Variants in SIPA1L3 observed in about 807,000 individuals in gnomAD.
SIPA1L3 encodes signal induced proliferation associated 1 like 3.
A neutral mutation model predicts 150.1 loss-of-function variants in SIPA1L3; 59 were observed. The observed-to-expected ratio is 0.39, with a 90% confidence interval of 0.32 to 0.49. The LOEUF is 0.49. Ranked by LOEUF, SIPA1L3 falls within the 20% of genes least tolerant of loss-of-function variation. The pLI is 0.86. For synonymous variants in SIPA1L3, 1,070 were observed against 1,077.6 expected, an observed-to-expected ratio of 0.99 and a Z score of 0.14; for missense variants, 2,211 against 2,489.5, an observed-to-expected ratio of 0.89 and a Z score of 2.38.
intron 1 of SIPA1L3, among the ~76,000 whole-genome samples, chr19:38,002,544 C>T (rs950801170): frequency 4.0e-5 from 6 of 150,754 alleles, no homozygotes; most frequent in African/African-American, 1.5e-4. Flanking sequence ...ACCATCCTGG[C>T]CAACATGGTG....
At chr19:38,193,862 A>G (rs1972861624) in intron 18 of SIPA1L3, 82 bp downstream of exon 18, 18 of 1,409,592 alleles carry the variant, frequency 1.3e-5, no homozygotes, top group Non-Finnish European at 1.7e-5. Context: ...GCTCACCTGG[A>G]GGTCAAAGGC....
Position 38,110,419 on chromosome 19 carries a change from GGA to G in SIPA1L3, c.2291+41_2291+42del, listed in dbSNP as rs1370739180. The G allele has an allele frequency of 8.8e-6, 14 of 1,590,272 alleles. No individual in the cohort carries two copies. In the African/African-American group the frequency reaches 1.9e-4, roughly 21 times the overall value. On this transcript the variant is annotated intron_variant, in intron 8 of 21. Transcript: ENST00000222345. ...CCACACCCGGCCCCCAGCAGCGTAT[GGA>G]GAGAGGGGCAGGCAGCTGGCCCAAG...
rs760974345 is a variant in SIPA1L3 at position 38,099,971 on chromosome 19, C to T, written c.1675C>T (p.Leu559=). 2.5e-6 allele frequency: 4 copies of T among 1,606,112 alleles called. No individual in the cohort carries two copies. Among genetic ancestry groups the T allele is most frequent in the Admixed American group, 1.7e-5 (1 of 57,884 alleles). ...TCTCTCCCTTGAGTAGCTCATCACC[C>T]TGCGGGGCTCCATCCTGGAAGATGC... is the stretch of plus-strand genomic sequence containing the variant. ...IIFRTRELIT[L]RGSILEDATP... The change falls in exon 5 of 22, where the codon CTG becomes TTG. Residue 559 remains leucine (L), a synonymous_variant. Transcript: ENST00000222345.
chr19:38,179,459 AATAT>A (rs1972512723), intron 15 of SIPA1L3, among the ~76,000 whole-genome samples: 1 of 152,126 alleles, frequency 6.6e-6, no homozygotes, highest in Non-Finnish European at 1.5e-5. Flanking sequence ...AAAAATAAAA[AATAT>A]ATATAATTTA....
At chr19:37,979,614 C>T (rs1802832272) in intron 1 of SIPA1L3, among the ~76,000 whole-genome samples, 1 of 152,044 alleles carries the variant, frequency 6.6e-6, no homozygotes, top group Admixed American at 6.6e-5. Context: ...GGAACACGGC[C>T]CGCCCATTTG....
intron 1 of SIPA1L3, among the ~76,000 whole-genome samples, chr19:37,984,039 T>C (rs1967274626): frequency 6.6e-6 from 1 of 152,130 alleles, no homozygotes. Context: ...ATGTGTTCTT[T>C]GTGGGAGAAG....
At chr19:38,003,836 G>A (rs113154060) in intron 1 of SIPA1L3, among the ~76,000 whole-genome samples, 2 of 152,288 alleles carry the variant, frequency 1.3e-5, no homozygotes, top group African/African-American at 4.8e-5. Context: ...GCTCATGAGG[G>A]CTTCCTCCGC....
Position 38,110,295 on chromosome 19 carries a change from G to A in SIPA1L3, c.2202G>A (p.Pro734=), listed in dbSNP as rs774240682. Residue 734 remains proline (P), a synonymous_variant, in exon 8 of 22, where the codon CCG becomes CCA. Transcript: ENST00000222345. The part of the protein sequence containing the change: ...TIIFQEPGAL[P]FTPKNIRSHF... ...TCTTCCAGGAGCCTGGCGCGCTACCGTTCACCCCCAAGAACATCCGCTCCC... is the reference window on the plus strand; with the variant it reads ...TCTTCCAGGAGCCTGGCGCGCTACCATTCACCCCCAAGAACATCCGCTCCC... The A allele has an allele frequency of 3.6e-5, 58 of 1,613,950 alleles. 1 individual carries two copies. In the South Asian group the frequency reaches 4.9e-4, roughly 14 times the overall value.
chr19:38,070,380 A>G (rs1264322840), intron 2 of SIPA1L3, among the ~76,000 whole-genome samples: 2 of 152,070 alleles, frequency 1.3e-5, no homozygotes, highest in Non-Finnish European at 2.9e-5. Context: ...CAGCCATTTT[A>G]TGACCTTTAC....
chr19:37,945,497 A>G (rs1034808219), intron 1 of SIPA1L3, among the ~76,000 whole-genome samples: 1 of 152,102 alleles, frequency 6.6e-6, no homozygotes, highest in South Asian at 2.1e-4. Flanking sequence ...TCAGCCTTCC[A>G]AAGTGCTAGA....
chr19:38,140,926 CG>C (rs1971561355), intron 10 of SIPA1L3, among the ~76,000 whole-genome samples: 1 of 151,822 alleles, frequency 6.6e-6, no homozygotes, highest in Non-Finnish European at 1.5e-5. Flanking sequence ...GGCGTAGTGG[CG>C]CTTGCCTGTA....
chr19:38,200,738 A>C (rs1285149262), intron 19 of SIPA1L3: 1 of 151,804 alleles, frequency 6.6e-6, no homozygotes, highest in African/African-American at 2.4e-5. Context: ...GACCAGCCTG[A>C]CCAACATGGA....
intron 2 of SIPA1L3, among the ~76,000 whole-genome samples, chr19:38,058,370 C>G (rs1969371337): frequency 6.6e-6 from 1 of 152,086 alleles, no homozygotes; most frequent in Non-Finnish European, 1.5e-5. Flanking sequence ...GCCCCACAAC[C>G]CCCATTCCCA....
At position 37,972,427 on chromosome 19, in the gene SIPA1L3, G is replaced by T. The variant is rs111334982; in HGVS notation, c.-378-56662G>T. Among the ~76,000 whole-genome samples the T allele has an allele frequency of 4.6e-3, 699 of 152,296 alleles. 6 individuals carry two copies. The highest frequency in any genetic ancestry group is 0.016 in the African/African-American group (677 of 41,536). ...GACGTTTGTAAGAACTGTGGGCTGG[G>T]TGTGGTGGCTCATGCCTGTAATCCC... On this transcript the variant is annotated intron_variant, in intron 1 of 21. Transcript: ENST00000222345.
intron 2 of SIPA1L3, among the ~76,000 whole-genome samples, chr19:38,064,981 A>G (rs1969539875): frequency 6.6e-6 from 1 of 152,252 alleles, no homozygotes; most frequent in Non-Finnish European, 1.5e-5. Context: ...GCATCTGGTG[A>G]TAAGTGAGAG....
At chr19:38,059,159 C>T (rs1969393987) in intron 2 of SIPA1L3, among the ~76,000 whole-genome samples, 1 of 150,370 alleles carries the variant, frequency 6.7e-6, no homozygotes, top group Non-Finnish European at 1.5e-5. Flanking sequence ...TGTCACCATA[C>T]TCAGCTCATT....
chr19:38,024,855 C>T (rs1360412567), intron 1 of SIPA1L3, among the ~76,000 whole-genome samples: 1 of 152,162 alleles, frequency 6.6e-6, no homozygotes, highest in African/African-American at 2.4e-5. Context: ...GACAGAACCT[C>T]CCCAACTCAA....
intron 9 of SIPA1L3, among the ~76,000 whole-genome samples, chr19:38,130,028 C>T (rs938264402): frequency 1.3e-5 from 2 of 152,150 alleles, no homozygotes; most frequent in Non-Finnish European, 1.5e-5. Context: ...GATCATGCCG[C>T]TGCACTTCAG....
Position 38,155,580 on chromosome 19 carries a change from G to A in SIPA1L3, c.3661+2613G>A, listed in dbSNP as rs538968148. 3.4e-4 allele frequency among the ~76,000 whole-genome samples: 52 copies of A among 152,334 alleles called. No individual in the cohort carries two copies. In the South Asian group the frequency reaches 0.01, roughly 30 times the overall value. ...CAGATGAATGGGCGAGATGGATTCA[G>A]AAGGAAGCAAACAAATGAGCAATGT... On this transcript the variant is annotated intron_variant, in intron 13 of 21. Coordinates refer to ENST00000222345, the MANE Select transcript of SIPA1L3 (RefSeq NM_015073.3).
Sources: allele counts gnomAD v4.1 joint callset (sites outside exome capture counted in the v4.1 genomes callset), GRCh38; gene constraint gnomAD v4.1.1; transcripts MANE v1.5; gene names NCBI Gene and HGNC (gene_info 2026-07-23, HGNC 2026-07-21).